PCDHA13: variants seen among roughly 807,000 people sequenced by gnomAD.
The protein encoded by PCDHA13 is protocadherin alpha 13, also known as protocadherin alpha-13.
A neutral mutation model predicts 64.8 loss-of-function variants in PCDHA13; 54 were observed. The observed-to-expected ratio is 0.83, with a 90% CI of 0.67 to 1.04. PCDHA13 has a LOEUF of 1.04. Among genes scored for constraint, PCDHA13 ranks in the 50% least tolerant of loss-of-function variants. The pLI, the probability that PCDHA13 is intolerant of heterozygous loss-of-function variation, is 0.00. For synonymous variants in PCDHA13, 587 were observed against 564.4 expected (o/e 1.04, Z -0.57); for missense variants, 1,248 against 1,254.3 (o/e 0.99, Z 0.08).
chr5:140,913,073 G>A (rs529914576), intron 1 of PCDHA13, among the ~76,000 whole-genome samples: 7 of 152,184 alleles, frequency 4.6e-5, no homozygotes, highest in Admixed American at 1.3e-4. Flanking sequence ...ATGTGTCATT[G>A]TTTGGTATCA....
intron 1 of PCDHA13, among the ~76,000 whole-genome samples, chr5:140,949,671 G>A (rs1316716969): frequency 6.6e-6 from 1 of 151,584 alleles, no homozygotes. Context: ...TTTAAAGTAT[G>A]CCCTTGTTGA....
At position 140,882,487 on chromosome 5, in the gene PCDHA13, C is replaced by G; in HGVS notation, c.219C>G (p.Asp73Glu). The G allele has an allele frequency of 6.2e-7, 1 of 1,614,054 alleles. No individual in the cohort carries two copies. The highest frequency in any genetic ancestry group is 8.5e-7 in the Non-Finnish European group (1 of 1,180,038). The change falls in exon 1 of 4, where the codon GAC (aspartate) becomes GAG (glutamate). Residue 73 changes from aspartate (D) to glutamate (E), a missense_variant. Asp to Glu is a conservative substitution (Grantham distance 45). Transcript: ENST00000289272. ...GGGTGGCGTCCAAAAGACACGGGGA[C>G]CTTCTGGAGGTAAATCTGCAGAATG... ...LFRVASKRHG[D>E]LLEVNLQNGI...
chr5:140,903,124 T>C (rs1554190771), intron 1 of PCDHA13, among the ~76,000 whole-genome samples: 1 of 152,234 alleles, frequency 6.6e-6, no homozygotes, highest in Non-Finnish European at 1.5e-5. Context: ...TCTAAATCTT[T>C]AAGAAATCTC....
At chr5:140,961,997 C>T (rs1160116142) in intron 1 of PCDHA13, among the ~76,000 whole-genome samples, 1 of 152,080 alleles carries the variant, frequency 6.6e-6, no homozygotes, top group South Asian at 2.1e-4. Context: ...CATTGTCCTG[C>T]CTCAGCTTCC....
intron 3 of PCDHA13, among the ~76,000 whole-genome samples, chr5:140,985,279 A>G (rs1168353248): frequency 1.3e-5 from 2 of 152,150 alleles, no homozygotes; most frequent in Non-Finnish European, 2.9e-5. Context: ...CTTTTCTGCA[A>G]TCTATGATAT....
chr5:140,893,338 T>C (rs1409461265), intron 1 of PCDHA13, among the ~76,000 whole-genome samples: 1 of 152,174 alleles, frequency 6.6e-6, no homozygotes, highest in African/African-American at 2.4e-5. Context: ...TTTTCCTTAG[T>C]GGCAGTGCTA....
intron 3 of PCDHA13, among the ~76,000 whole-genome samples, chr5:141,006,502 C>T (rs987435396): frequency 1.8e-4 from 28 of 152,118 alleles, no homozygotes; most frequent in African/African-American, 2.9e-4. Context: ...TGTGAGCCAC[C>T]GCGCCTGGCT....
chr5:140,953,992 G>A (rs1210096728), intron 1 of PCDHA13, among the ~76,000 whole-genome samples: 3 of 152,034 alleles, frequency 2.0e-5, no homozygotes, highest in Non-Finnish European at 2.9e-5. Context: ...ATTTTCATGT[G>A]TACTCATCAT....
intron 3 of PCDHA13, among the ~76,000 whole-genome samples, chr5:140,993,250 T>G (rs1554253518): frequency 6.6e-6 from 1 of 152,154 alleles, no homozygotes; most frequent in East Asian, 1.9e-4. Context: ...GGGATTTAGA[T>G]ATATAAATTA....
chr5:140,884,661 A>C lies in PCDHA13; in HGVS notation c.2393A>C (p.Glu798Ala). ...GAGGAGGACTCAGAATGCTTGAAAGAGGTAAGCTTATATTTTAAAAAATTG... is the reference window on the plus strand; with the variant it reads ...GAGGAGGACTCAGAATGCTTGAAAGCGGTAAGCTTATATTTTAAAAAATTG... The part of the protein sequence containing the change: ...QREEDSECLK[E>A]PRQPNPDWRY... The change falls in exon 1 of 4, where the codon GAG (glutamate) becomes GCG (alanine). Residue 798 changes from glutamate (E) to alanine (A), a missense_variant and splice_region_variant. By Grantham distance (107) the Glu-to-Ala change is moderately radical. Transcript: ENST00000289272. 1 of 1,590,384 alleles carries C rather than the reference A, an allele frequency of 6.3e-7. No homozygotes were observed. The highest frequency in any genetic ancestry group is 1.3e-5 in the African/African-American group (1 of 74,144).
At chr5:141,009,107 G>A (rs1329490009) in intron 3 of PCDHA13, among the ~76,000 whole-genome samples, 6 of 152,180 alleles carry the variant, frequency 3.9e-5, no homozygotes, top group African/African-American at 1.4e-4. Flanking sequence ...ATGTTACTAT[G>A]AAACTAGATT....
chr5:141,009,941 C>T lies in PCDHA13; in HGVS notation c.*4C>T, dbSNP rs976573218. On this transcript the variant is annotated 3_prime_UTR_variant, in exon 4 of 4. Coordinates refer to ENST00000289272, the MANE Select transcript of PCDHA13 (RefSeq NM_018904.3). ...GACTGACAACAGTGACCAGTGAGGT[C>T]CTCAAATGGAAACAAGCCACTTAGC... is the stretch of plus-strand genomic sequence containing the variant. 6.3e-7 allele frequency: 1 copy of T among 1,597,476 alleles called. No individual in the cohort carries two copies. The highest frequency in any genetic ancestry group is 1.4e-5 in the African/African-American group (1 of 73,558).
rs6883852 is a variant in PCDHA13, at chr5:140,924,704, G to T, written c.2394+40042G>T. 8.9e-3 allele frequency among the ~76,000 whole-genome samples: 1,352 copies of T among 152,160 alleles called. 15 individuals are homozygous for T. Among genetic ancestry groups the T allele is most frequent in the African/African-American group, 0.032 (1,309 of 41,486 alleles). On this transcript the variant is annotated intron_variant, in intron 1 of 3. Coordinates refer to ENST00000289272, the MANE Select transcript of PCDHA13 (RefSeq NM_018904.3). ...GAGGTCAGGAGTTCGAGACCAGCTT[G>T]TGCAACATGGCGAAACCTCACCTCT...
chr5:141,003,308 A>C (rs2098118679), intron 3 of PCDHA13, among the ~76,000 whole-genome samples: 1 of 152,200 alleles, frequency 6.6e-6, no homozygotes, highest in Non-Finnish European at 1.5e-5. Context: ...TGAAGTGGCC[A>C]GCTACTTCCA....
chr5:140,989,745 C>A (rs1554251059), intron 3 of PCDHA13, among the ~76,000 whole-genome samples: 2 of 152,154 alleles, frequency 1.3e-5, no homozygotes, highest in African/African-American at 4.8e-5. Context: ...ATTGCCTAAT[C>A]TGGAGAAACA....
chr5:141,010,438 CA>C lies in PCDHA13; in HGVS notation c.*504del. ...TACAAGGAAGGCAAGAAAACAAAGA[CA>C]AATAAACAGCGGAAGTTATCAGTAT... On this transcript the variant is annotated 3_prime_UTR_variant, in exon 4 of 4. Transcript: ENST00000289272. 1.0e-6 allele frequency: 1 copy of C among 998,926 alleles called. No individual in the cohort carries two copies. The highest frequency in any genetic ancestry group is 1.4e-6 in the Non-Finnish European group (1 of 704,790). The allele number at this position is 998,926 out of a possible 1,614,324, so 61.9% of individuals were successfully genotyped here.
chr5:140,924,736 A>C (rs1554202112), intron 1 of PCDHA13, among the ~76,000 whole-genome samples: 1 of 151,866 alleles, frequency 6.6e-6, no homozygotes, highest in Non-Finnish European at 1.5e-5. Flanking sequence ...CTCTAATAAA[A>C]ATACAAAAAT....
intron 1 of PCDHA13, among the ~76,000 whole-genome samples, chr5:140,937,911 CAAAA>C (rs200797202): frequency 8.5e-6 from 1 of 117,894 alleles, no homozygotes; most frequent in Non-Finnish European, 1.9e-5. Context: ...GACTCCGTCT[CAAAA>C]AAAAAAAAAA....
At chr5:140,906,265 TATAG>T (rs1455952624) in intron 1 of PCDHA13, among the ~76,000 whole-genome samples, 7 of 152,148 alleles carry the variant, frequency 4.6e-5, no homozygotes, top group African/African-American at 1.2e-4. Context: ...CTCCTGAAAT[TATAG>T]ATAATCTTCA....
Sources: gnomAD v4.1 joint callset for allele counts (sites outside exome capture counted in the v4.1 genomes callset) on GRCh38, gnomAD v4.1.1 for gene constraint, MANE v1.5 for transcripts, NCBI Gene and HGNC (gene_info 2026-07-23, HGNC 2026-07-21) for gene names.